Variants in PPRC1 observed in about 807,000 individuals in gnomAD.
PPRC1 encodes peroxisome proliferator-activated receptor gamma coactivator-related protein 1.
A neutral mutation model predicts 132.5 loss-of-function variants in PPRC1; 23 were observed. That is an observed-to-expected ratio of 0.17 (90% CI 0.12 to 0.25). The LOEUF (loss-of-function observed/expected upper bound fraction) is 0.25, where lower values mean the gene tolerates loss of function less well. Among genes scored for constraint, PPRC1 ranks in the 10% least tolerant of loss-of-function variants. The pLI, the probability that PPRC1 is intolerant of heterozygous loss-of-function variation, is 1.00. For synonymous variants in PPRC1, 872 were observed against 833.5 expected (o/e 1.05, Z -0.80); for missense variants, 2,006 against 2,089.1 (o/e 0.96, Z 0.78).
At chr10:102,125,589 T>C in the PPRC1 span, among the ~76,000 whole-genome samples, 1 of 151,878 alleles carries the variant, frequency 6.6e-6, no homozygotes, top group African/African-American at 2.4e-5. Context: ...TAGTCATTAG[T>C]GCAAGATGGA....
chr10:102,140,931 A>G lies in PPRC1; in HGVS notation c.2423A>G (p.Gln808Arg), dbSNP rs1470839277. ...GCCCCAGCCAAGAAGACAGCTCTGC[A>G]GAGAAGCCCTGAAACACCCCTTGAG... Reference protein sequence around the residue: ...PPAPAKKTALQRSPETPLEIC... With the variant: ...PPAPAKKTALRRSPETPLEIC... Residue 808 changes from glutamine (Q) to arginine (R), a missense_variant, in exon 5 of 14, where the codon CAG becomes CGG. Transcript: ENST00000278070. The G allele has an allele frequency of 6.2e-7, 1 of 1,613,906 alleles. No individual in the cohort carries two copies. Among genetic ancestry groups the G allele is most frequent in the Non-Finnish European group, 8.5e-7 (1 of 1,180,004 alleles).
the PPRC1 span, among the ~76,000 whole-genome samples, chr10:102,119,929 C>T: frequency 6.6e-6 from 1 of 151,888 alleles, no homozygotes; most frequent in African/African-American, 2.4e-5. Context: ...TTGGGGAAAA[C>T]GCTACCCGCC....
Position 102,138,651 on chromosome 10 carries a change from G to A in PPRC1, c.375G>A (p.Val125=). The change falls in exon 3 of 14, where the codon GTG becomes GTA. Residue 125 remains valine (V), a synonymous_variant. Coordinates refer to ENST00000278070, the MANE Select transcript of PPRC1 (RefSeq NM_015062.5). ...SRLSLEDQNE[V]SLLTALTEIL... is the part of the protein sequence containing the mutation. ...TATCTCTGGAGGACCAGAATGAAGT[G>A]TCGCTGCTCACGGCTCTGACGGAGA... is the stretch of plus-strand genomic sequence containing the variant. 2.5e-6 allele frequency: 4 copies of A among 1,614,122 alleles called. No individual in the cohort carries two copies. Among genetic ancestry groups the A allele is most frequent in the Non-Finnish European group, 3.4e-6 (4 of 1,180,060 alleles).
In PPRC1 at chr10:102,140,879, G is replaced by C. The variant is rs1213137551; in HGVS notation, c.2371G>C (p.Asp791His). 6.2e-7 allele frequency: 1 copy of C among 1,614,096 alleles called. No homozygotes were observed. Among genetic ancestry groups the C allele is most frequent in the East Asian group, 2.2e-5 (1 of 44,868 alleles). ...TCCAGAGACTCCCACAGGGCTGGCA[G>C]ACATCCCTTGTCTTGTCATCCCACC... The part of the protein sequence containing the change: ...SLPETPTGLA[D>H]IPCLVIPPAP... Residue 791 changes from aspartate (D) to histidine (H), a missense_variant, in exon 5 of 14, where the codon GAC (aspartate) becomes CAC (histidine). By Grantham distance (81) the Asp-to-His change is moderately conservative. Around this residue, in one of 2 missense-constraint regions of PPRC1, gnomAD observed 1,914 missense variants for 1,917.2 expected, o/e 1.00. Coordinates refer to ENST00000278070, the MANE Select transcript of PPRC1 (RefSeq NM_015062.5).
In PPRC1 at chr10:102,147,483, G is replaced by T. The variant is rs2069314931; in HGVS notation, c.4400+91G>T. On this transcript the variant is annotated intron_variant, in intron 9 of 13. Coordinates refer to ENST00000278070, the MANE Select transcript of PPRC1 (RefSeq NM_015062.5). The stretch of plus-strand genomic sequence containing the variant: ...TGAAAGCTTTTACCCGTTGACTTTG[G>T]TACTTTCAGGCGCTAAGGCTTCTAT... 5.6e-6 allele frequency: 8 copies of T among 1,434,178 alleles called. No homozygotes were observed. The South Asian group carries it at 9.6e-5, about 17-fold the overall frequency. The allele number at this position is 1,434,178 out of a possible 1,614,324, so 88.8% of individuals were successfully genotyped here. A position where few individuals can be genotyped will look rare whatever the true frequency, so the allele number is the denominator to read the frequency against.
At chr10:102,129,168 T>A (rs1417874333), upstream of PPRC1, among the ~76,000 whole-genome samples, 1 of 151,862 alleles carries the variant, frequency 6.6e-6, no homozygotes, top group South Asian at 2.1e-4. Flanking sequence ...CCTGACCTCG[T>A]GATCCGCCCG....
At chr10:102,144,117 C>G (rs2069116863) in intron 6 of PPRC1, 133 bp from the exon 7 acceptor site, 1 of 833,270 alleles carries the variant, frequency 1.2e-6, no homozygotes. Context: ...GACTAGATCT[C>G]TTTGGGGAGA....
the PPRC1 span, among the ~76,000 whole-genome samples, chr10:102,120,786 T>TGAGCCGGAGCCG: frequency 6.6e-6 from 1 of 152,094 alleles, no homozygotes; most frequent in South Asian, 2.1e-4. Context: ...GGAGTCTGGC[T>TGAGCCGGAGCCG]GAGCCGGAGC....
In PPRC1 at chr10:102,138,880, T is replaced by A; in HGVS notation, c.491T>A (p.Leu164Gln). ...CTCAGGTCTTTCTTTCCCTCTTAGCTGCACAAGCTGCTTACTCTCTCTCGG... is the reference window on the plus strand; with the variant it reads ...CTCAGGTCTTTCTTTCCCTCTTAGCAGCACAAGCTGCTTACTCTCTCTCGG... ...LLVSPREGSS[L>Q]HKLLTLSRTP... The change falls in exon 4 of 14, where the codon CTG becomes CAG. Residue 164 changes from leucine (L) to glutamine (Q), a missense_variant and splice_region_variant. By Grantham distance (113) the Leu-to-Gln change is moderately radical. Coordinates refer to ENST00000278070, the MANE Select transcript of PPRC1 (RefSeq NM_015062.5). 6.2e-7 allele frequency: 1 copy of A among 1,614,048 alleles called. No homozygotes were observed. Among genetic ancestry groups the A allele is most frequent in the Non-Finnish European group, 8.5e-7 (1 of 1,179,912 alleles).
chr10:102,139,269 G>C lies in PPRC1; in HGVS notation c.761G>C (p.Ser254Thr). 5 of 1,614,218 alleles carry C rather than the reference G, an allele frequency of 3.1e-6. No individual in the cohort carries two copies. Among genetic ancestry groups the C allele is most frequent in the Non-Finnish European group, 4.2e-6 (5 of 1,180,028 alleles). ...SDGEEEEEVA[S>T]FSGQILAGEL... is the part of the protein sequence containing the mutation. ...GGAGAAGAAGAGGAGGAGGTGGCCA[G>C]CTTCAGTGGCCAGATTCTTGCCGGG... is the stretch of plus-strand genomic sequence containing the variant. Residue 254 changes from serine to threonine, a missense_variant, in exon 5 of 14, where the codon AGC becomes ACC. Ser to Thr is a moderately conservative substitution (Grantham distance 58, BLOSUM62 1). Transcript: ENST00000278070.
intron 13 of PPRC1, 57 bp from the exon 14 acceptor site, chr10:102,149,869 G>T: frequency 2.2e-6 from 3 of 1,344,636 alleles, no homozygotes; most frequent in Non-Finnish European, 3.2e-6. Context: ...GCCATTTGCA[G>T]ACCCTGTGGT....
intron 7 of PPRC1, chr10:102,144,536 C>T: frequency 8.6e-6 from 5 of 578,636 alleles, no homozygotes; most frequent in Non-Finnish European, 1.5e-5. Context: ...AGTCGGGCTC[C>T]AAATGTCCTA....
At position 102,139,883 on chromosome 10, in the gene PPRC1, G is replaced by C. The variant is rs762449253; in HGVS notation, c.1375G>C (p.Gly459Arg). ...ACCAGGTTCCCAGAGAGCTCGAAAG[G>C]GCAGGAAGAAGAAGAGCAAGGAGCA... ...AAPGSQRARK[G>R]RKKKSKEQPA... The change falls in exon 5 of 14, where the codon GGC becomes CGC. Residue 459 changes from glycine to arginine, a missense_variant. Around this residue, in one of 2 missense-constraint regions of PPRC1, gnomAD observed 1,914 missense variants for 1,917.2 expected, o/e 1.00. Transcript: ENST00000278070. The C allele has an allele frequency of 6.2e-7, 1 of 1,614,212 alleles. No homozygotes were observed. Among genetic ancestry groups the C allele is most frequent in the Non-Finnish European group, 8.5e-7 (1 of 1,180,026 alleles).
rs778442658 is a variant in PPRC1, at chr10:102,148,503, G to T, written c.4532G>T (p.Arg1511Ile). ...TCACGATCCCCATCCCCCCGCCGGA[G>T]AAGTGACAGGAGGCGGCGGTGAGCA... ...SRSRSPSPRR[R>I]SDRRRRYSSY... The change falls in exon 10 of 14, where the codon AGA becomes ATA. Residue 1511 changes from arginine (R) to isoleucine (I), a missense_variant. Around this residue, in one of 2 missense-constraint regions of PPRC1, gnomAD observed 1,914 missense variants for 1,917.2 expected, o/e 1.00. Coordinates refer to ENST00000278070, the MANE Select transcript of PPRC1 (RefSeq NM_015062.5). The surrounding 1 kb of genome is among the most constrained non-coding windows in gnomAD (Gnocchi z 4.2). 2 of 1,613,578 alleles carry T rather than the reference G, an allele frequency of 1.2e-6. No individual in the cohort carries two copies. The highest frequency in any genetic ancestry group is 1.3e-5 in the African/African-American group (1 of 75,028).
At position 102,147,286 on chromosome 10, in the gene PPRC1, T is replaced by A; in HGVS notation, c.4294T>A (p.Ser1432Thr). ...AGGCCGCAACAGCCGTTCTGTCAGC[T>A]CTGGGTCCAACCGGACTAGCGAAGC... ...RRGRNSRSVS[S>T]GSNRTSEASS... The change falls in exon 9 of 14, where the codon TCT becomes ACT. Residue 1432 changes from serine (S) to threonine (T), a missense_variant. Ser to Thr is a moderately conservative substitution (Grantham distance 58). Coordinates refer to ENST00000278070, the MANE Select transcript of PPRC1 (RefSeq NM_015062.5). 1 of 1,612,978 alleles carries A rather than the reference T, an allele frequency of 6.2e-7. No individual in the cohort carries two copies.
In PPRC1 at chr10:102,137,964, C is replaced by T. The variant is rs2068788538; in HGVS notation, c.268C>T (p.Leu90=). The T allele has an allele frequency of 6.2e-7, 1 of 1,614,042 alleles. No homozygotes were observed. The highest frequency in any genetic ancestry group is 1.3e-5 in the African/African-American group (1 of 74,912). The change falls in exon 2 of 14, where the codon CTG becomes TTG. Residue 90 remains leucine, a synonymous_variant. Coordinates refer to ENST00000278070, the MANE Select transcript of PPRC1 (RefSeq NM_015062.5). ...GGAGCTAATGCTGCAGGATGAGACA[C>T]TGCTGGGGACCATGCAGAGCTACAT... ...MEELMLQDET[L]LGTMQSYMDA... is the part of the protein sequence containing the mutation.
rs1285644138 is a variant in PPRC1 at position 102,140,994 on chromosome 10, C to G, written c.2486C>G (p.Pro829Arg). 1 of 1,614,000 alleles carries G rather than the reference C, an allele frequency of 6.2e-7. No homozygotes were observed. Among genetic ancestry groups the G allele is most frequent in the East Asian group, 2.2e-5 (1 of 44,898 alleles). Reference sequence around the variant, plus strand: ...CCTGTAGGTCCCAGCCCTGCTTCTCCTAGTCCTGAGCCACCTGTAAGCAAA... The same window carrying G: ...CCTGTAGGTCCCAGCCCTGCTTCTCGTAGTCCTGAGCCACCTGTAAGCAAA... ...LVPVGPSPASPSPEPPVSKPV... is the reference protein window; with the variant it reads ...LVPVGPSPASRSPEPPVSKPV... The change falls in exon 5 of 14, where the codon CCT becomes CGT. Residue 829 changes from proline to arginine, a missense_variant. Pro to Arg is a moderately radical substitution (Grantham distance 103, BLOSUM62 -2). Around this residue, in one of 2 missense-constraint regions of PPRC1, gnomAD observed 1,914 missense variants for 1,917.2 expected, o/e 1.00. Coordinates refer to ENST00000278070, the MANE Select transcript of PPRC1 (RefSeq NM_015062.5).
chr10:102,133,729 C>T (rs1262894208), intron 1 of PPRC1, among the ~76,000 whole-genome samples: 1 of 151,776 alleles, frequency 6.6e-6, no homozygotes, highest in African/African-American at 2.4e-5. Context: ...GGCTCCCGTC[C>T]CAGGCTGTCG....
chr10:102,126,525 C>T, the PPRC1 span, among the ~76,000 whole-genome samples: 5 of 147,544 alleles, frequency 3.4e-5, no homozygotes, highest in African/African-American at 1.3e-4. Context: ...GTGGTGCGAT[C>T]TCAGCTCAGT....
Sources: allele counts gnomAD v4.1 joint callset (sites outside exome capture counted in the v4.1 genomes callset), GRCh38; gene constraint gnomAD v4.1.1; regional missense constraint gnomAD v4.1.1; non-coding constraint Gnocchi (gnomAD v3.1); transcripts MANE v1.5; gene names NCBI Gene and HGNC (gene_info 2026-07-23, HGNC 2026-07-21).